Variants in CLEC12A observed in about 807,000 individuals in gnomAD.
CLEC12A encodes the protein C-type lectin protein CLL-1.
CLEC12A carries 22 observed loss-of-function variants against 26.5 expected under a neutral mutation model. The ratio of observed to expected loss-of-function variants is 0.83; its 90% confidence interval spans 0.59 to 1.19. The LOEUF (loss-of-function observed/expected upper bound fraction) is 1.19. Ranked by LOEUF, CLEC12A falls within the 50% of genes most tolerant of loss-of-function variation. The probability of loss-of-function intolerance (pLI) is 0.00; values close to 1 mark genes in which losing one functional copy is unlikely to be tolerated. For synonymous variants in CLEC12A, 119 were observed against 101.9 expected (o/e 1.17, Z -1.01); for missense variants, 353 against 315.6 (o/e 1.12, Z -0.90).
chr12:9,976,603 G>A (rs1864347228), intron 1 of CLEC12A, among the ~76,000 whole-genome samples: 1 of 152,116 alleles, frequency 6.6e-6, no homozygotes, highest in South Asian at 2.1e-4. Flanking sequence ...TGTCTCAGAT[G>A]GACTGTGGAC....
At chr12:9,953,036 A>AGGG in intron 1 of CLEC12A, 1 of 136,418 alleles carries the variant, frequency 7.3e-6, no homozygotes, top group African/African-American at 3.1e-5. Context: ...CCCATCTGGG[A>AGGG]AGTGAGGAGC....
chr12:9,956,256 A>G (rs537153642), intron 1 of CLEC12A, among the ~76,000 whole-genome samples: 1 of 152,362 alleles, frequency 6.6e-6, no homozygotes, highest in African/African-American at 2.4e-5. Context: ...ACCTAAGTCT[A>G]TAATTTGAAT....
At chr12:9,996,998 C>A (rs777409260), downstream of CLEC12A, 31 of 1,613,748 alleles carry the variant, frequency 1.9e-5, no homozygotes, top group Non-Finnish European at 2.5e-5. Context: ...CATTTATGAC[C>A]TTCTGGAGAA....
chr12:9,995,251 T>A lies in CLEC12A; in HGVS notation n.1238T>A, dbSNP rs521040. On this transcript the variant is annotated non_coding_transcript_exon_variant, in exon 5 of 5. Transcript: ENST00000449959. ...AGTCCTGGCTTTGATGTACTCCTAT[T>A]GTAAACATAAATAAACACAATGGTC... 15 of 1,607,380 alleles carry A rather than the reference T, an allele frequency of 9.3e-6. No individual in the cohort carries two copies. In the South Asian group the frequency reaches 1.4e-4, roughly 15 times the overall value.
At position 9,982,108 on chromosome 12, in the gene CLEC12A, A is replaced by G. The variant is rs778459103; in HGVS notation, c.620A>G (p.Asn207Ser). The G allele has an allele frequency of 6.3e-7, 1 of 1,575,972 alleles. No individual in the cohort carries two copies. Among genetic ancestry groups the G allele is most frequent in the South Asian group, 1.1e-5 (1 of 90,082 alleles). The change falls in exon 5 of 6, where the codon AAT becomes AGT. Residue 207 changes from asparagine (N) to serine (S), a missense_variant. Asn to Ser is a conservative substitution (Grantham distance 46, BLOSUM62 1). Coordinates refer to ENST00000304361, the MANE Select transcript of CLEC12A (RefSeq NM_138337.6). ...EDSTRGMRVDNIINSSAWVIR... is the reference protein window; with the variant it reads ...EDSTRGMRVDSIINSSAWVIR... The stretch of plus-strand genomic sequence containing the variant: ...TCCACTCGTGGTATGAGAGTGGATA[A>G]TATAATCAACTCCTCTGCCTGGTAA...
chr12:9,959,567 T>A (rs1258662395), intron 1 of CLEC12A, among the ~76,000 whole-genome samples: 1 of 152,204 alleles, frequency 6.6e-6, no homozygotes, highest in Non-Finnish European at 1.5e-5. Flanking sequence ...TTGTGTGGCC[T>A]AGAATGTTTA....
chr12:9,987,964 A>G (rs552228147), downstream of CLEC12A, among the ~76,000 whole-genome samples: 1 of 152,100 alleles, frequency 6.6e-6, no homozygotes, highest in South Asian at 2.1e-4. Context: ...GCCCACCATC[A>G]CACCTGGCTA....
chr12:9,998,140 G>A, downstream of CLEC12A: 1 of 656,132 alleles, frequency 1.5e-6, no homozygotes, highest in East Asian at 2.6e-5. Context: ...CCTTTATTGA[G>A]ATTCTCTTGG....
At chr12:9,987,375 A>T (rs1864791217), downstream of CLEC12A, among the ~76,000 whole-genome samples, 1 of 152,216 alleles carries the variant, frequency 6.6e-6, no homozygotes, top group Non-Finnish European at 1.5e-5. Flanking sequence ...CATGGCTCTC[A>T]GGTGGAAATT....
chr12:9,952,600 G>A (rs1417125248), intron 1 of CLEC12A: 17 of 168,812 alleles, frequency 1.0e-4, no homozygotes, highest in South Asian at 3.7e-4. Flanking sequence ...CCGCCACCCC[G>A]TCTGGGAAGT....
intron 1 of CLEC12A, among the ~76,000 whole-genome samples, chr12:9,972,728 A>G (rs1864176398): frequency 6.6e-6 from 1 of 152,218 alleles, no homozygotes; most frequent in African/African-American, 2.4e-5. Context: ...TATGATGAGC[A>G]TTGTAAATCT....
downstream of CLEC12A, among the ~76,000 whole-genome samples, chr12:9,999,485 TG>T (rs1865129600): frequency 6.6e-6 from 1 of 152,176 alleles, no homozygotes; most frequent in Admixed American, 6.5e-5. Flanking sequence ...ATTGCTCAAA[TG>T]AGAGATTTCT....
chr12:9,995,747 G>T, downstream of CLEC12A: 1 of 195,888 alleles, frequency 5.1e-6, no homozygotes, highest in Non-Finnish European at 1.1e-5. Flanking sequence ...TTTCTCAAAA[G>T]GATTTATAAA....
chr12:9,959,812 A>G (rs1172804317), intron 1 of CLEC12A, among the ~76,000 whole-genome samples: 1 of 152,224 alleles, frequency 6.6e-6, no homozygotes, highest in Admixed American at 6.5e-5. Flanking sequence ...GGTAGCTCCC[A>G]GAAATGGATT....
chr12:9,957,496 AAAAAAAAAC>A (rs1863761965), intron 1 of CLEC12A, among the ~76,000 whole-genome samples: 1 of 151,932 alleles, frequency 6.6e-6, no homozygotes, highest in Non-Finnish European at 1.5e-5. Flanking sequence ...ATCTCAAAAA[AAAAAAAAAC>A]AAAAAAACAA....
chr12:9,959,064 T>TA (rs1305487952), intron 1 of CLEC12A, among the ~76,000 whole-genome samples: 5 of 152,116 alleles, frequency 3.3e-5, no homozygotes. Flanking sequence ...GTTAAAGAAA[T>TA]AAAAACTCTT....
At chr12:9,989,435 T>C (rs1864846322), downstream of CLEC12A, among the ~76,000 whole-genome samples, 1 of 152,172 alleles carries the variant, frequency 6.6e-6, no homozygotes, top group Non-Finnish European at 1.5e-5. Flanking sequence ...ATAGCCTTAT[T>C]GCTGATATGG....
chr12:9,980,706 G>A lies in CLEC12A; in HGVS notation c.504G>A (p.Leu168=), dbSNP rs1864523398. The change falls in exon 4 of 6, where the codon CTG becomes CTA. Residue 168 remains leucine (L), a synonymous_variant. Coordinates refer to ENST00000304361, the MANE Select transcript of CLEC12A (RefSeq NM_138337.6). ...KMACAAQNAS[L]LKINNKNALE... is the part of the protein sequence containing the mutation. ...CCTGTGCTGCTCAGAATGCCAGCCT[G>A]TTGAAGATAAACAACAAAAATGCAT... is the stretch of plus-strand genomic sequence containing the variant. The A allele has an allele frequency of 1.2e-6, 2 of 1,613,620 alleles. No individual in the cohort carries two copies. Among genetic ancestry groups the A allele is most frequent in the Non-Finnish European group, 1.7e-6 (2 of 1,179,740 alleles).
chr12:9,977,874 T>C (rs1454548411), intron 1 of CLEC12A, among the ~76,000 whole-genome samples: 1 of 152,186 alleles, frequency 6.6e-6, no homozygotes, highest in Admixed American at 6.5e-5. Flanking sequence ...ATTGAACTTT[T>C]TAATAATTGA....
Sources: gnomAD v4.1 joint callset for allele counts (sites outside exome capture counted in the v4.1 genomes callset) on GRCh38, gnomAD v4.1.1 for gene constraint, MANE v1.5 for transcripts, NCBI Gene and HGNC (gene_info 2026-07-23, HGNC 2026-07-21) for gene names.